Variants in MGST2 observed in about 807,000 individuals in gnomAD.
MGST2 encodes the protein microsomal glutathione S-transferase 2, also known as glutathione peroxidase MGST2.
A neutral mutation model predicts 16.6 loss-of-function variants in MGST2; 9 were observed. The observed-to-expected ratio is 0.54, with a 90% CI of 0.33 to 0.95. MGST2 has a LOEUF of 0.95. MGST2 is among the 40% of genes least tolerant of loss of function. The pLI is 0.03. For synonymous variants in MGST2, 79 were observed against 68.0 expected, an observed-to-expected ratio of 1.16 and a Z score of -0.79; for missense variants, 159 against 175.1, an observed-to-expected ratio of 0.91 and a Z score of 0.52.
At chr4:139,745,159 C>T (rs1333309988), downstream of MGST2, among the ~76,000 whole-genome samples, 2 of 152,068 alleles carry the variant, frequency 1.3e-5, no homozygotes, top group African/African-American at 4.8e-5. Flanking sequence ...AGAGCGGCCA[C>T]CTGCAAGGAG....
At chr4:139,706,065 T>A (rs1727507430), downstream of MGST2, among the ~76,000 whole-genome samples, 1 of 152,078 alleles carries the variant, frequency 6.6e-6, no homozygotes, top group Non-Finnish European at 1.5e-5. Context: ...ACAATAGAAG[T>A]TAAAAAGGCC....
intron 3 of MGST2, among the ~76,000 whole-genome samples, chr4:139,700,162 C>T (rs1321915117): frequency 1.8e-5 from 2 of 112,024 alleles, no homozygotes; most frequent in East Asian, 5.8e-4. Flanking sequence ...GATGGAGTCT[C>T]GCTTTGTTGC....
In MGST2 at chr4:139,665,977, C is replaced by T; in HGVS notation, c.-43C>T. The stretch of plus-strand genomic sequence containing the variant: ...GTCAGCATTCAAAGTCAAGAAGCGC[C>T]ATTTATCTTCCCGTGCGCTCTACAA... On this transcript the variant is annotated 5_prime_UTR_variant, in exon 1 of 5. Coordinates refer to ENST00000265498, the MANE Select transcript of MGST2 (RefSeq NM_002413.5). 2 of 1,605,006 alleles carry T rather than the reference C, an allele frequency of 1.2e-6. No homozygotes were observed. Among genetic ancestry groups the T allele is most frequent in the East Asian group, 4.5e-5 (2 of 44,836 alleles).
intron 5 of MGST2, chr4:139,718,558 C>G (rs1254787045): frequency 6.6e-6 from 1 of 152,430 alleles, no homozygotes; most frequent in Non-Finnish European, 1.5e-5. Context: ...AGGCTCCAGC[C>G]CCACCTGGAG....
At chr4:139,734,111 CAA>C (rs1340414243) in intron 5 of MGST2, among the ~76,000 whole-genome samples, 1 of 152,202 alleles carries the variant, frequency 6.6e-6, no homozygotes, top group East Asian at 1.9e-4. Flanking sequence ...AGGTGTATTC[CAA>C]AGTGTGAAAA....
chr4:139,689,758 G>A (rs1158191895), intron 2 of MGST2, among the ~76,000 whole-genome samples: 1 of 152,220 alleles, frequency 6.6e-6, no homozygotes, highest in African/African-American at 2.4e-5. Flanking sequence ...AATGGCTCAT[G>A]AGGTTTTCCT....
intron 5 of MGST2, among the ~76,000 whole-genome samples, chr4:139,720,721 T>C (rs1336529056): frequency 6.6e-6 from 1 of 152,234 alleles, no homozygotes. Context: ...CGTACTCTTA[T>C]AGGTATGACA....
intron 1 of MGST2, among the ~76,000 whole-genome samples, chr4:139,673,666 G>T (rs1002267084): frequency 6.6e-6 from 1 of 151,998 alleles, no homozygotes; most frequent in Non-Finnish European, 1.5e-5. Context: ...CTCCTGCCTC[G>T]GCCTCCCAGA....
chr4:139,691,824 G>C (rs151060518), intron 2 of MGST2, among the ~76,000 whole-genome samples: 83 of 152,064 alleles, frequency 5.5e-4, no homozygotes, highest in African/African-American at 2.0e-3. Flanking sequence ...TTAGTCTCCC[G>C]AGTAACTGGG....
intron 5 of MGST2, chr4:139,731,026 A>G: frequency 3.8e-6 from 1 of 264,544 alleles, no homozygotes; most frequent in Non-Finnish European, 7.3e-6. Flanking sequence ...AGTCTGGAAC[A>G]CGAGACACAT....
chr4:139,739,029 T>G (rs1209625228), intron 5 of MGST2, among the ~76,000 whole-genome samples: 1 of 152,150 alleles, frequency 6.6e-6, no homozygotes, highest in Non-Finnish European at 1.5e-5. Flanking sequence ...GCTTTTAAGC[T>G]CCTTTGGGAC....
intron 5 of MGST2, among the ~76,000 whole-genome samples, chr4:139,726,537 G>A (rs908242144): frequency 1.3e-5 from 2 of 152,154 alleles, no homozygotes; most frequent in African/African-American, 4.8e-5. Flanking sequence ...AGGCTGTGGG[G>A]ACTGAGTTGA....
rs774777454 is a variant in MGST2, at chr4:139,720,068, C to A, written c.*48+15872C>A. ...TCCCTGGGCTTGGTTATGTGTGATG[C>A]TCATGCCACTTTGGTTTGGATGCTG... On this transcript the variant is annotated intron_variant, in intron 5 of 5. Transcript: ENST00000616265. 2.4e-5 allele frequency: 39 copies of A among 1,613,974 alleles called. No individual in the cohort carries two copies. The South Asian group carries it at 4.2e-4, about 17-fold the overall frequency.
At chr4:139,726,866 A>G (rs927740646) in intron 5 of MGST2, among the ~76,000 whole-genome samples, 5 of 152,186 alleles carry the variant, frequency 3.3e-5, no homozygotes, top group African/African-American at 1.2e-4. Context: ...AAGGGAAAGA[A>G]AATAAGAGTG....
chr4:139,683,919 GTTTTTT>G (rs34222679), intron 2 of MGST2, among the ~76,000 whole-genome samples: 1,603 of 92,400 alleles, frequency 0.017, 31 homozygotes, highest in African/African-American at 0.055. Flanking sequence ...TCAGTTTTGT[GTTTTTT>G]TTTTTTTTTT....
chr4:139,680,215 T>G, intron 2 of MGST2, among the ~76,000 whole-genome samples: 1 of 147,106 alleles, frequency 6.8e-6, no homozygotes, highest in South Asian at 2.1e-4. Flanking sequence ...TTAGGTTAAA[T>G]CAATAGCCAA....
At chr4:139,751,764 A>G in the MGST2 span, among the ~76,000 whole-genome samples, 2 of 152,104 alleles carry the variant, frequency 1.3e-5, no homozygotes, top group African/African-American at 4.8e-5. Context: ...ACTGGAATAC[A>G]CTCAGCCCAG....
chr4:139,669,355 C>G (rs1178455179), intron 1 of MGST2, among the ~76,000 whole-genome samples: 2 of 152,118 alleles, frequency 1.3e-5, no homozygotes, highest in South Asian at 2.1e-4. Context: ...TTCATGGAGT[C>G]GGGACACCAT....
At chr4:139,667,753 G>A (rs1428459271) in intron 1 of MGST2, among the ~76,000 whole-genome samples, 1 of 152,078 alleles carries the variant, frequency 6.6e-6, no homozygotes, top group Non-Finnish European at 1.5e-5. Context: ...AGCTACTAGG[G>A]AGGCTGAGGC....
Sources: gnomAD v4.1 joint callset for allele counts (sites outside exome capture counted in the v4.1 genomes callset) on GRCh38, gnomAD v4.1.1 for gene constraint, MANE v1.5 for transcripts, NCBI Gene and HGNC (gene_info 2026-07-23, HGNC 2026-07-21) for gene names.